Variants in FCRLA observed in about 807,000 individuals in gnomAD.
FCRLA encodes Fc receptor like A.
A neutral mutation model predicts 28.4 loss-of-function variants in FCRLA; 26 were observed. The observed-to-expected ratio is 0.91, with a 90% CI of 0.67 to 1.27. FCRLA has a LOEUF of 1.27. Among genes scored for constraint, FCRLA ranks in the 50% most tolerant of loss-of-function variants. FCRLA has a pLI of 0.00. For synonymous variants in FCRLA, 174 were observed against 168.5 expected, an observed-to-expected ratio of 1.03 and a Z score of -0.25; for missense variants, 422 against 433.1, an observed-to-expected ratio of 0.97 and a Z score of 0.23.
At chr1:161,712,322 TAAG>T in intron 4 of FCRLA, 104 bp downstream of exon 4, 1 of 1,361,002 alleles carries the variant, frequency 7.3e-7, no homozygotes, top group Admixed American at 2.2e-5. Flanking sequence ...GTGAGCAGGT[TAAG>T]AAGGGACACA....
chr1:161,713,374 T>C lies in FCRLA; in HGVS notation c.1074T>C (p.Ala358=). The C allele has an allele frequency of 6.2e-7, 1 of 1,612,130 alleles. No homozygotes were observed. Among genetic ancestry groups the C allele is most frequent in the Middle Eastern group, 1.7e-4 (1 of 6,056 alleles). Residue 358 remains alanine, a synonymous_variant, in exon 5 of 5, where the codon GCT becomes GCC. Transcript: ENST00000236938. ...AGCCTGGGACCACAAAGGCTACTGC[T>C]GAATAGAAGTAAACAGTTCATCCAT... ...HRKPGTTKAT[A]E is the part of the protein sequence containing the mutation.
chr1:161,711,808 C>A, intron 3 of FCRLA, 126 bp from the exon 4 acceptor site: 1 of 1,187,444 alleles, frequency 8.4e-7, no homozygotes, highest in Non-Finnish European at 1.2e-6. Flanking sequence ...CAAATGGAAT[C>A]TAAGAGAGCC....
chr1:161,709,424 G>T (rs372525317), intron 1 of FCRLA, among the ~76,000 whole-genome samples: 3 of 152,156 alleles, frequency 2.0e-5, no homozygotes, highest in Non-Finnish European at 2.9e-5. Context: ...GAGCCACCAC[G>T]CCTGGATAAG....
In FCRLA at chr1:161,712,086, AG is replaced by A; in HGVS notation, c.653del (p.Ser218ThrfsTer39). The A allele has an allele frequency of 6.2e-7, 1 of 1,614,188 alleles. No homozygotes were observed. The highest frequency in any genetic ancestry group is 1.3e-5 in the African/African-American group (1 of 75,038). ...CTACAAGGATGGAAGGATAGTGCAA[AG>A]CAGGGGGCTCTCCTCAGAATTCCAG... is the stretch of plus-strand genomic sequence containing the variant. ...SFYKDGRIVQ[S>X]RGLSSEFQIP... On this transcript the variant is annotated frameshift_variant, in exon 4 of 5. Transcript: ENST00000236938. LOFTEE classifies it high-confidence loss of function.
rs1015929222 is a variant in FCRLA at position 161,710,540 on chromosome 1, C to T, written c.80-220C>T. The T allele has an allele frequency of 1.9e-6, 3 of 1,543,798 alleles. No individual in the cohort carries two copies. In the African/African-American group the frequency reaches 4.1e-5, roughly 21 times the overall value. ...TCTCTCCCCTCCCTCTTCTCCAAAC[C>T]ACAGTGCATTTGCTGAGAGCACCTG... On this transcript the variant is annotated intron_variant, in intron 1 of 4. Transcript: ENST00000236938.
Position 161,712,057 on chromosome 1 carries a change from C to T in FCRLA, c.623C>T (p.Ser208Phe). 8 of 1,614,208 alleles carry T rather than the reference C, an allele frequency of 5.0e-6. No individual in the cohort carries two copies. The highest frequency in any genetic ancestry group is 6.8e-6 in the Non-Finnish European group (8 of 1,180,042). Residue 208 changes from serine to phenylalanine, a missense_variant, in exon 4 of 5, where the codon TCC (serine) becomes TTC (phenylalanine). Ser to Phe is a radical substitution (Grantham distance 155). Coordinates refer to ENST00000236938, the MANE Select transcript of FCRLA (RefSeq NM_032738.4). ...AGGTCAGCTGCCCGCCTCCTCTTCTCCTTCTACAAGGATGGAAGGATAGTG... is the reference window on the plus strand; with the variant it reads ...AGGTCAGCTGCCCGCCTCCTCTTCTTCTTCTACAAGGATGGAAGGATAGTG... ...LQRSAARLLFSFYKDGRIVQS... is the reference protein window; with the variant it reads ...LQRSAARLLFFFYKDGRIVQS...
Position 161,711,483 on chromosome 1 carries a change from T to C in FCRLA, c.499+9T>C. The C allele has an allele frequency of 4.4e-6, 7 of 1,607,068 alleles. No individual in the cohort carries two copies. The highest frequency in any genetic ancestry group is 6.0e-6 in the Non-Finnish European group (7 of 1,175,120). ...GGCTATCACAGTCCAAGGTGAGAGC[T>C]AGAAGCAGCATTGTCATGGCAGGGG... is the stretch of plus-strand genomic sequence containing the variant. On this transcript the variant is annotated intron_variant, in intron 3 of 4. Transcript: ENST00000236938.
At chr1:161,707,636 C>T (rs1005489236) in intron 1 of FCRLA, among the ~76,000 whole-genome samples, 1 of 152,182 alleles carries the variant, frequency 6.6e-6, no homozygotes, top group Admixed American at 6.5e-5. Flanking sequence ...TTTGCACTTG[C>T]TATCTCCACT....
intron 1 of FCRLA, chr1:161,710,291 T>A: frequency 1.6e-6 from 1 of 616,076 alleles, no homozygotes; most frequent in Non-Finnish European, 2.9e-6. Context: ...TTCTTTAAGA[T>A]TATAAAATGA....
In FCRLA at chr1:161,713,435, T is replaced by C. The variant is rs929021488; in HGVS notation, c.*55T>C. 9.8e-6 allele frequency: 14 copies of C among 1,434,826 alleles called. No individual in the cohort carries two copies. Among genetic ancestry groups the C allele is most frequent in the Middle Eastern group, 1.8e-4 (1 of 5,586 alleles). 88.9% of individuals were successfully genotyped at this position (1,434,826 alleles called of 1,614,324 possible). A position where few individuals can be genotyped will look rare whatever the true frequency, so the allele number is the denominator to read the frequency against. On this transcript the variant is annotated 3_prime_UTR_variant, in exon 5 of 5. Coordinates refer to ENST00000236938, the MANE Select transcript of FCRLA (RefSeq NM_032738.4). ...AACCACCCCAATAAATCTGATTCTTTATTTTCTCTTCCTGTCCTGCACATA... is the reference window on the plus strand; with the variant it reads ...AACCACCCCAATAAATCTGATTCTTCATTTTCTCTTCCTGTCCTGCACATA...
rs766930615 is a variant in FCRLA at position 161,711,437 on chromosome 1, C to T, written c.462C>T (p.Ile154=). The T allele has an allele frequency of 2.0e-5, 32 of 1,614,154 alleles. No homozygotes were observed. Among genetic ancestry groups the T allele is most frequent in the East Asian group, 8.9e-5 (4 of 44,890 alleles). Residue 154 remains isoleucine, a synonymous_variant, in exon 3 of 5, where the codon ATC becomes ATT. Transcript: ENST00000236938. ...TCTTCCAGAGCCCTGGTCCTGGGAT[C>T]CCAGAAACAGCATCTGTTGTGGCTA... ...SGIFQSPGPG[I]PETASVVAIT...
intron 1 of FCRLA, among the ~76,000 whole-genome samples, chr1:161,708,308 G>C (rs949952240): frequency 6.6e-6 from 1 of 152,110 alleles, no homozygotes; most frequent in Non-Finnish European, 1.5e-5. Flanking sequence ...TCAATCATTA[G>C]GTTTGGCCAA....
At chr1:161,712,453 C>T (rs1026173089) in intron 4 of FCRLA, among the ~76,000 whole-genome samples, 1 of 152,184 alleles carries the variant, frequency 6.6e-6, no homozygotes. Flanking sequence ...CAGCTCCACA[C>T]CTGCTGCCCC....
chr1:161,708,308 G>A (rs949952240), intron 1 of FCRLA, among the ~76,000 whole-genome samples: 1 of 152,110 alleles, frequency 6.6e-6, no homozygotes, highest in Non-Finnish European at 1.5e-5. Context: ...TCAATCATTA[G>A]GTTTGGCCAA....
intron 1 of FCRLA, chr1:161,710,361 C>A: frequency 1.1e-6 from 1 of 941,918 alleles, no homozygotes; most frequent in Non-Finnish European, 1.7e-6. Flanking sequence ...CACACAAGTG[C>A]TAGCAGGGTC....
In FCRLA at chr1:161,711,230, A is replaced by T; in HGVS notation, c.255A>T (p.Pro85=). 3 of 1,613,946 alleles carry T rather than the reference A, an allele frequency of 1.9e-6. No individual in the cohort carries two copies. The highest frequency in any genetic ancestry group is 2.7e-5 in the African/African-American group (2 of 75,070). The change falls in exon 3 of 5, where the codon CCA becomes CCT. Residue 85 remains proline, a synonymous_variant. Transcript: ENST00000236938. ...TAGACTGGCTGATCCTCCAAGGTCCAGCCAAGCCAGTTTTTGAAGGGGACC... is the reference window on the plus strand; with the variant it reads ...TAGACTGGCTGATCCTCCAAGGTCCTGCCAAGCCAGTTTTTGAAGGGGACC... ...VSYDWLILQG[P]AKPVFEGDLL...
At position 161,713,432 on chromosome 1, in the gene FCRLA, C is replaced by A; in HGVS notation, c.*52C>A. On this transcript the variant is annotated 3_prime_UTR_variant, in exon 5 of 5. Coordinates refer to ENST00000236938, the MANE Select transcript of FCRLA (RefSeq NM_032738.4). Reference sequence around the variant, plus strand: ...CTTAACCACCCCAATAAATCTGATTCTTTATTTTCTCTTCCTGTCCTGCAC... The same window carrying A: ...CTTAACCACCCCAATAAATCTGATTATTTATTTTCTCTTCCTGTCCTGCAC... 1.4e-6 allele frequency: 2 copies of A among 1,442,656 alleles called. No homozygotes were observed. Among genetic ancestry groups the A allele is most frequent in the Non-Finnish European group, 1.9e-6 (2 of 1,054,130 alleles). 89.4% of individuals were successfully genotyped at this position (1,442,656 alleles called of 1,614,324 possible).
intron 4 of FCRLA, 132 bp from the exon 5 acceptor site, chr1:161,712,953 A>G: frequency 2.0e-6 from 2 of 991,086 alleles, no homozygotes; most frequent in South Asian, 3.2e-5. Flanking sequence ...GAGGGACACT[A>G]GAGTCCTCAA....
At chr1:161,710,492 G>A (rs759494123) in intron 1 of FCRLA, 56 of 1,550,580 alleles carry the variant, frequency 3.6e-5, no homozygotes, top group African/African-American at 4.1e-5. Flanking sequence ...ATGTCATGCC[G>A]GTGAGTTTCA....
Sources: gnomAD v4.1 joint callset for allele counts (sites outside exome capture counted in the v4.1 genomes callset) on GRCh38, gnomAD v4.1.1 for gene constraint, MANE v1.5 for transcripts, NCBI Gene and HGNC (gene_info 2026-07-23, HGNC 2026-07-21) for gene names.